Variants in NBPF20 observed in about 807,000 individuals in gnomAD.
NBPF20 encodes NBPF family member NBPF20.
In NBPF20, 90 loss-of-function variants were observed where a neutral mutation model predicts 68.1. The ratio of observed to expected loss-of-function variants is 1.32; its 90% CI spans 1.11 to 1.58. The LOEUF (loss-of-function observed/expected upper bound fraction) is 1.58, where lower values mean the gene tolerates loss of function less well. Among genes scored for constraint, NBPF20 ranks in the 40% most tolerant of loss-of-function variants. The pLI, the probability that NBPF20 is intolerant of heterozygous loss-of-function variation, is 0.00. For missense variants in NBPF20, 816 were observed against 601.2 expected (o/e 1.36, Z -3.74); for synonymous variants, 290 against 228.1 (o/e 1.27, Z -2.45).
intron 136 of NBPF20, among the ~76,000 whole-genome samples, chr1:145,292,874 T>G (rs1661226269): frequency 1.8e-5 from 1 of 54,612 alleles, no homozygotes; most frequent in Non-Finnish European, 3.3e-5. Flanking sequence ...CTTTAGACAC[T>G]GAAATTAGAG....
exon 138 of NBPF20, chr1:145,291,612 C>G: frequency 6.2e-7 from 1 of 1,611,896 alleles, no homozygotes; most frequent in Non-Finnish European, 8.5e-7. Flanking sequence ...ACGTAAAGGG[C>G]GAAGCTGATG....
rs1361992438 is a variant in NBPF20 at position 145,401,115 on chromosome 1, G to C, written c.510C>G (p.Asp170Glu). 2.4e-5 allele frequency: 39 copies of C among 1,605,806 alleles called. No individual in the cohort carries two copies. The African/African-American group carries it at 3.5e-4, about 14-fold the overall frequency. Residue 170 changes from aspartate (D) to glutamate (E), a missense_variant, in exon 5 of 138, where the codon GAC (aspartate) becomes GAG (glutamate). Asp to Glu is a conservative substitution (Grantham distance 45). Coordinates refer to ENST00000369373, the Ensembl canonical transcript of NBPF20. ...CCAACTCAACTTGAACATCTTCATCGTCATCGTTGTCATTTTCTGTAAATA... is the reference window on the plus strand; with the variant it reads ...CCAACTCAACTTGAACATCTTCATCCTCATCGTTGTCATTTTCTGTAAATA...
upstream of NBPF20, among the ~76,000 whole-genome samples, chr1:145,407,444 T>TGTATATACGTGTATACAC (rs1553667910): frequency 2.7e-5 from 4 of 146,526 alleles, no homozygotes; most frequent in African/African-American, 5.0e-5. Flanking sequence ...CATGTATACA[T>TGTATATACGTGTATACAC]GTATATACGT....
At chr1:145,397,974 A>G (rs1662341021) in intron 7 of NBPF20, among the ~76,000 whole-genome samples, 1 of 152,224 alleles carries the variant, frequency 6.6e-6, no homozygotes, top group African/African-American at 2.4e-5. Flanking sequence ...AACCAAGATC[A>G]AAAGAGACAA....
chr1:145,403,252 T>A lies in NBPF20; in HGVS notation c.242A>T (p.Lys81Met), dbSNP rs1553665932. 2.5e-4 allele frequency: 411 copies of A among 1,612,600 alleles called. No homozygotes were observed. In the African/African-American group the frequency reaches 4.6e-3, roughly 18 times the overall value. Residue 81 changes from lysine to methionine, a missense_variant, in exon 3 of 138, where the codon AAG (lysine) becomes ATG (methionine). Physicochemically the swap from Lys to Met is moderately conservative, Grantham distance 95 (BLOSUM62 -1). Transcript: ENST00000369373. ...AGCTTGCTTGAGCTGCTCTGCAAGC[T>A]TCTCCTCCTTGAACTGTCGCTCATT...
chr1:145,402,817 G>A (rs1165732836), intron 3 of NBPF20, among the ~76,000 whole-genome samples: 13 of 150,428 alleles, frequency 8.6e-5, no homozygotes, highest in African/African-American at 1.7e-4. Context: ...TGACAGGGTC[G>A]AGAAGGCAAC....
chr1:145,405,315 G>A lies in NBPF20; in HGVS notation c.-35-8C>T, dbSNP rs1400401258. On this transcript the variant is annotated splice_region_variant and splice_polypyrimidine_tract_variant and intron_variant, in intron 1 of 137. Transcript: ENST00000369373. Reference sequence around the variant, plus strand: ...AAGAGGTGGAGTCAGGGACTGGGGAGAAGAAACCCAAACATATGATGGGTT... The same window carrying A: ...AAGAGGTGGAGTCAGGGACTGGGGAAAAGAAACCCAAACATATGATGGGTT... 1 of 1,553,664 alleles carries A rather than the reference G, an allele frequency of 6.4e-7. No homozygotes were observed. Among genetic ancestry groups the A allele is most frequent in the Non-Finnish European group, 8.8e-7 (1 of 1,130,894 alleles).
At chr1:145,422,737 C>T in the NBPF20 span, among the ~76,000 whole-genome samples, 1 of 152,006 alleles carries the variant, frequency 6.6e-6, no homozygotes, top group African/African-American at 2.4e-5. Flanking sequence ...GCCTGTAATC[C>T]CCACACTCTG....
chr1:145,298,341 C>CAG (rs1478726576), intron 129 of NBPF20, among the ~76,000 whole-genome samples: 1 of 140,762 alleles, frequency 7.1e-6, no homozygotes, highest in Admixed American at 6.8e-5. Flanking sequence ...GACACACACA[C>CAG]ACACACACAC....
In NBPF20 at chr1:145,404,922, A is replaced by G. The variant is rs192005864; in HGVS notation, c.175+176T>C. 4.6e-5 allele frequency among the ~76,000 whole-genome samples: 7 copies of G among 151,952 alleles called. No individual in the cohort carries two copies. The East Asian group carries it at 1.3e-3, about 29-fold the overall frequency. On this transcript the variant is annotated intron_variant, in intron 2 of 137. Transcript: ENST00000369373. ...CCCCCATCTGATTGCAAACATGGAAAGTTGCTAAATACTTTGGTACCTCTG... is the reference window on the plus strand; with the variant it reads ...CCCCCATCTGATTGCAAACATGGAAGGTTGCTAAATACTTTGGTACCTCTG...
rs1288243021 is a variant in NBPF20 at position 145,292,443 on chromosome 1, T to C, written c.16635A>G (p.Ser5545=). ...TTCTTCCCCTTCTTCTTTTCTTCTT[T>C]GATCTTCTTCCCCTTCTTTTCTTCC... is the stretch of plus-strand genomic sequence containing the variant. The change falls in exon 137 of 138, where the codon TCA becomes TCG. Residue 5545 remains serine (S), a synonymous_variant. Transcript: ENST00000369373. 1.3e-5 allele frequency: 9 copies of C among 713,994 alleles called. 2 individuals are homozygous for C. Among genetic ancestry groups the C allele is most frequent in the African/African-American group, 6.1e-5 (3 of 48,826 alleles). The allele number at this position is 713,994 out of a possible 1,614,324, so 44.2% of individuals were successfully genotyped here. A position where few individuals can be genotyped will look rare whatever the true frequency, so the allele number is the denominator to read the frequency against.
In NBPF20 at chr1:145,402,166, C is replaced by T. The variant is rs1337696656; in HGVS notation, c.493+1G>A. The stretch of plus-strand genomic sequence containing the variant: ...GTCATCAGGGCCTATGGCCACCTTA[C>T]CTGGGCTGAGCTTTTGGACAAGGTG... On this transcript the variant is annotated splice_donor_variant, in intron 4 of 137. Coordinates refer to ENST00000369373, the Ensembl canonical transcript of NBPF20. LOFTEE classifies it high-confidence loss of function. 2 of 1,481,692 alleles carry T rather than the reference C, an allele frequency of 1.3e-6. No individual in the cohort carries two copies. Among genetic ancestry groups the T allele is most frequent in the Non-Finnish European group, 1.9e-6 (2 of 1,062,482 alleles). 91.8% of individuals were successfully genotyped at this position (1,481,692 alleles called of 1,614,324 possible). A position where few individuals can be genotyped will look rare whatever the true frequency, so the allele number is the denominator to read the frequency against.
intron 137 of NBPF20, 67 bp from the exon 143 acceptor site, chr1:145,291,836 T>C (rs587635417): frequency 1.2e-6 from 2 of 1,610,982 alleles, no homozygotes; most frequent in Non-Finnish European, 1.7e-6. Flanking sequence ...CCCACTAGAT[T>C]TCAGAAGTCA....
chr1:145,410,092 T>G (rs151090604), upstream of NBPF20, among the ~76,000 whole-genome samples: 503 of 152,198 alleles, frequency 3.3e-3, 3 homozygotes, highest in African/African-American at 0.011. Flanking sequence ...GTTTAACCTT[T>G]AAGAAACTGT....
At chr1:145,398,860 T>A (rs1444829439) in intron 7 of NBPF20, among the ~76,000 whole-genome samples, 189 bp downstream of exon 12, 4 of 150,156 alleles carry the variant, frequency 2.7e-5, no homozygotes, top group Non-Finnish European at 5.9e-5. Context: ...GGCAAGTTCC[T>A]ATCTTGAGAG....
upstream of NBPF20, among the ~76,000 whole-genome samples, chr1:145,406,299 C>A (rs1253398113): frequency 6.6e-6 from 1 of 151,174 alleles, no homozygotes; most frequent in East Asian, 1.9e-4. Context: ...TCCCTTGTTT[C>A]ATTTTGTTTT....
At chr1:145,424,435 C>T in the NBPF20 span, among the ~76,000 whole-genome samples, 1 of 152,104 alleles carries the variant, frequency 6.6e-6, no homozygotes, top group African/African-American at 2.4e-5. Flanking sequence ...AATTTAAAAA[C>T]AAAAAGCTAC....
the NBPF20 span, among the ~76,000 whole-genome samples, chr1:145,417,324 T>C: frequency 6.6e-6 from 1 of 150,618 alleles, no homozygotes; most frequent in African/African-American, 2.4e-5. Flanking sequence ...AAATAAATCT[T>C]ACACGTAAAT....
intron 8 of NBPF20, among the ~76,000 whole-genome samples, chr1:145,394,698 G>C (rs1662129041): frequency 6.6e-6 from 1 of 152,042 alleles, no homozygotes; most frequent in Admixed American, 6.5e-5. Context: ...TGCATAGTTT[G>C]GTGTGAGTTT....
Sources: allele counts gnomAD v4.1 joint callset (sites outside exome capture counted in the v4.1 genomes callset), GRCh38; gene constraint gnomAD v4.1.1; transcripts MANE v1.5; gene names NCBI Gene and HGNC (gene_info 2026-07-23, HGNC 2026-07-21).